Variants in DIP2C observed in about 807,000 individuals in gnomAD.
The protein encoded by DIP2C is DIP2 acetate--CoA ligase C (putative), also known as disco-interacting protein 2 homolog C.
Under a neutral mutation model 192.4 loss-of-function variants are expected in DIP2C, and 33 were observed. The observed-to-expected ratio is 0.17, with a 90% CI of 0.13 to 0.23. The LOEUF (loss-of-function observed/expected upper bound fraction) is 0.23. DIP2C is among the 10% of genes least tolerant of loss of function. DIP2C has a pLI of 1.00. For missense variants in DIP2C, 1,537 were observed against 2,110.1 expected (o/e 0.73, Z 5.32); for synonymous variants, 979 against 864.1 (o/e 1.13, Z -2.33).
At chr10:671,312 C>T (rs962489636) in intron 1 of DIP2C, among the ~76,000 whole-genome samples, 5 of 151,828 alleles carry the variant, frequency 3.3e-5, no homozygotes, top group Non-Finnish European at 7.4e-5. Flanking sequence ...GATCCACAGA[C>T]GGAGGAAACG....
At chr10:598,446 A>T (rs1377134665) in intron 1 of DIP2C, among the ~76,000 whole-genome samples, 1 of 152,246 alleles carries the variant, frequency 6.6e-6, no homozygotes, top group Admixed American at 6.5e-5. Flanking sequence ...ACCGACATGC[A>T]ATCATCACAT....
At chr10:492,885 A>T (rs1844545096) in intron 1 of DIP2C, among the ~76,000 whole-genome samples, 1 of 152,230 alleles carries the variant, frequency 6.6e-6, no homozygotes, top group Non-Finnish European at 1.5e-5. Flanking sequence ...AGATCAACAG[A>T]AGTTCACACC....
At chr10:446,114 GC>G (rs1355406292) in intron 3 of DIP2C, among the ~76,000 whole-genome samples, 1 of 151,882 alleles carries the variant, frequency 6.6e-6, no homozygotes, top group African/African-American at 2.4e-5. Context: ...GGTCCACTGG[GC>G]AACTGTATAC....
chr10:618,076 T>A (rs2131819074), intron 1 of DIP2C, among the ~76,000 whole-genome samples: 1 of 152,346 alleles, frequency 6.6e-6, no homozygotes, highest in Admixed American at 6.5e-5. Flanking sequence ...TCTTTCAGAA[T>A]GCTATTGGCA....
At chr10:534,647 G>A (rs1468244769) in intron 1 of DIP2C, among the ~76,000 whole-genome samples, 5 of 151,700 alleles carry the variant, frequency 3.3e-5, no homozygotes, top group Non-Finnish European at 7.4e-5. Flanking sequence ...TCATCTTACA[G>A]TGTTTGTCTG....
chr10:614,959 G>A (rs530313162), intron 1 of DIP2C, among the ~76,000 whole-genome samples: 33 of 152,330 alleles, frequency 2.2e-4, no homozygotes, highest in Admixed American at 1.8e-3. Context: ...CAAGAGACAA[G>A]AGACAATGAC....
In DIP2C at chr10:662,075, A is replaced by T. The variant is rs1201113800; in HGVS notation, c.85+27419T>A. 3 of 717,256 alleles carry T rather than the reference A, an allele frequency of 4.2e-6. No homozygotes were observed. In the Admixed American group the frequency reaches 6.0e-5, roughly 14 times the overall value. The allele number at this position is 717,256 out of a possible 1,614,324, so 44.4% of individuals were successfully genotyped here. A position where few individuals can be genotyped will look rare whatever the true frequency, so the allele number is the denominator to read the frequency against. On this transcript the variant is annotated intron_variant, in intron 1 of 36. Coordinates refer to ENST00000280886, the MANE Select transcript of DIP2C (RefSeq NM_014974.3). Reference sequence around the variant, plus strand: ...CCACAGCATACCGCACATCAAAGGCACGATTCTCTCCGAAGCCCTCAGTGG... The same window carrying T: ...CCACAGCATACCGCACATCAAAGGCTCGATTCTCTCCGAAGCCCTCAGTGG...
At chr10:486,645 A>C in intron 1 of DIP2C, 115 bp from the exon 2 acceptor site, 1 of 870,440 alleles carries the variant, frequency 1.1e-6, no homozygotes, top group South Asian at 2.3e-5. Context: ...TCATTGTTAG[A>C]ATTTTAAAAG....
chr10:390,116 G>A, intron 12 of DIP2C, 23 bp from the exon 13 acceptor site: 6 of 1,609,104 alleles, frequency 3.7e-6, no homozygotes, highest in Non-Finnish European at 5.1e-6. Context: ...AAAGCGTGAG[G>A]GAAGTGGGGC....
intron 1 of DIP2C, among the ~76,000 whole-genome samples, chr10:632,394 AC>A (rs1854573472): frequency 6.7e-6 from 1 of 149,698 alleles, no homozygotes; most frequent in Non-Finnish European, 1.5e-5. Flanking sequence ...ACCGGTGTGA[AC>A]CCAGACTCCA....
intron 1 of DIP2C, among the ~76,000 whole-genome samples, chr10:580,961 G>C (rs1373181210): frequency 2.0e-5 from 3 of 152,154 alleles, no homozygotes; most frequent in Non-Finnish European, 4.4e-5. Flanking sequence ...TTTGGCGTTT[G>C]AGACAAAGCC....
At chr10:304,550 C>T (rs934554430) in intron 32 of DIP2C, among the ~76,000 whole-genome samples, 4 of 48,620 alleles carry the variant, frequency 8.2e-5, no homozygotes, top group Middle Eastern at 8.1e-3. Flanking sequence ...TGTATGCACA[C>T]GAATGCACAC....
chr10:618,172 G>T (rs1258961720), intron 1 of DIP2C, among the ~76,000 whole-genome samples: 2 of 152,220 alleles, frequency 1.3e-5, no homozygotes, highest in African/African-American at 2.4e-5. Context: ...TTACACATCT[G>T]CCAAGTTGTA....
chr10:534,675 T>A lies in DIP2C; in HGVS notation c.86-48145A>T, dbSNP rs545396400. ...TTTGTCTGCTGGATGATTATTATTT[T>A]TTTTTTTTTTTTGAGACGGAGTCTC... On this transcript the variant is annotated intron_variant, in intron 1 of 36. Coordinates refer to ENST00000280886, the MANE Select transcript of DIP2C (RefSeq NM_014974.3). 9.3e-5 allele frequency among the ~76,000 whole-genome samples: 14 copies of A among 150,898 alleles called. 1 individual carries two copies. In the South Asian group the frequency reaches 1.3e-3, roughly 14 times the overall value.
intron 29 of DIP2C, chr10:340,933 C>T (rs1450266229): frequency 3.6e-6 from 2 of 551,150 alleles, no homozygotes; most frequent in Non-Finnish European, 6.9e-6. Context: ...GCCTGGGAGT[C>T]TTCTGATTGT....
At chr10:414,864 G>A (rs185075106) in intron 7 of DIP2C, among the ~76,000 whole-genome samples, 1,788 of 50,344 alleles carry the variant, frequency 0.036, 41 homozygotes, top group African/African-American at 0.1. Context: ...GTGTGTGTGT[G>A]TGTGTGTGTG....
Position 345,025 on chromosome 10 carries a change from C to T in DIP2C, c.3317G>A (p.Arg1106Lys), listed in dbSNP as rs1286614326. The stretch of plus-strand genomic sequence containing the variant: ...TGTGTCCAGGATGAGGGGCCACGTC[C>T]TGACGTCCACAGCCGCCGCCGCCTC... ...SREAAAAVDV[R>K]TWPLILDTDD... The change falls in exon 27 of 37, where the codon AGG becomes AAG. Residue 1106 changes from arginine (R) to lysine (K), a missense_variant. Arg to Lys is a conservative substitution (Grantham distance 26, BLOSUM62 2). Coordinates refer to ENST00000280886, the MANE Select transcript of DIP2C (RefSeq NM_014974.3). 1 of 1,613,350 alleles carries T rather than the reference C, an allele frequency of 6.2e-7. No individual in the cohort carries two copies. Among genetic ancestry groups the T allele is most frequent in the Non-Finnish European group, 8.5e-7 (1 of 1,179,870 alleles).
intron 1 of DIP2C, among the ~76,000 whole-genome samples, chr10:501,808 C>T (rs1345238528): frequency 1.3e-5 from 2 of 152,082 alleles, no homozygotes; most frequent in Non-Finnish European, 2.9e-5. Flanking sequence ...AGGTATTTGG[C>T]AATATCAGAA....
chr10:643,325 A>G (rs1417118757), intron 1 of DIP2C, among the ~76,000 whole-genome samples: 1 of 152,120 alleles, frequency 6.6e-6, no homozygotes, highest in Non-Finnish European at 1.5e-5. Flanking sequence ...CATCCTGGCT[A>G]ACACGGTAAA....
Sources: allele counts gnomAD v4.1 joint callset (sites outside exome capture counted in the v4.1 genomes callset), GRCh38; gene constraint gnomAD v4.1.1; transcripts MANE v1.5; gene names NCBI Gene and HGNC (gene_info 2026-07-23, HGNC 2026-07-21).